Variants in LRMDA observed in about 807,000 individuals in gnomAD.
The protein encoded by LRMDA is leucine rich melanocyte differentiation associated.
Under a neutral mutation model 29.8 loss-of-function variants are expected in LRMDA, and 18 were observed. The observed-to-expected ratio is 0.60, with a 90% CI of 0.42 to 0.90. The LOEUF (loss-of-function observed/expected upper bound fraction) is 0.90, where lower values mean the gene tolerates loss of function less well. LRMDA is among the 40% of genes least tolerant of loss of function. The probability of loss-of-function intolerance (pLI) is 0.00; values close to 1 mark genes in which losing one functional copy is unlikely to be tolerated. For synonymous variants in LRMDA, 125 were observed against 109.4 expected (o/e 1.14, Z -0.89); for missense variants, 273 against 273.9 (o/e 1.00, Z 0.02).
intron 2 of LRMDA, among the ~76,000 whole-genome samples, chr10:75,553,562 T>C (rs1482443904): frequency 6.6e-6 from 1 of 152,136 alleles, no homozygotes; most frequent in East Asian, 1.9e-4. Context: ...CTCATATTTG[T>C]TGGGACTCTT....
chr10:76,275,598 C>T (rs1226516448), intron 5 of LRMDA, among the ~76,000 whole-genome samples: 2 of 152,064 alleles, frequency 1.3e-5, no homozygotes, highest in Non-Finnish European at 2.9e-5. Context: ...GACCCCTCTG[C>T]TCTTTGATCT....
At chr10:76,322,739 G>C (rs1304624298) in intron 5 of LRMDA, among the ~76,000 whole-genome samples, 2 of 152,080 alleles carry the variant, frequency 1.3e-5, no homozygotes, top group Non-Finnish European at 2.9e-5. Flanking sequence ...TGGATTTTTG[G>C]GTCTTTTTTT....
At chr10:76,077,061 C>T (rs948362890) in intron 5 of LRMDA, among the ~76,000 whole-genome samples, 2 of 152,114 alleles carry the variant, frequency 1.3e-5, no homozygotes, top group Non-Finnish European at 2.9e-5. Flanking sequence ...CTCTCATCTT[C>T]AAACCACCAG....
intron 2 of LRMDA, among the ~76,000 whole-genome samples, chr10:75,985,444 C>A (rs1395009157): frequency 6.6e-6 from 1 of 152,248 alleles, no homozygotes; most frequent in Non-Finnish European, 1.5e-5. Context: ...CACCTCACAG[C>A]TCTACTTCCC....
chr10:75,659,868 C>A (rs1841727909), intron 2 of LRMDA, among the ~76,000 whole-genome samples: 1 of 152,098 alleles, frequency 6.6e-6, no homozygotes, highest in Non-Finnish European at 1.5e-5. Flanking sequence ...CTCTTTTCAA[C>A]AAAGAGGGAG....
intron 5 of LRMDA, among the ~76,000 whole-genome samples, chr10:76,074,547 C>G (rs1848926806): frequency 6.6e-6 from 1 of 152,168 alleles, no homozygotes. Flanking sequence ...ACAGCTTCCA[C>G]CCCCCTCCCA....
intron 2 of LRMDA, among the ~76,000 whole-genome samples, chr10:75,761,072 A>G (rs1247103604): frequency 6.6e-6 from 1 of 152,242 alleles, no homozygotes; most frequent in Admixed American, 6.5e-5. Context: ...TCTTGTCTGC[A>G]TGGAACTCAC....
chr10:75,798,441 A>G (rs895067220), intron 2 of LRMDA, among the ~76,000 whole-genome samples: 12 of 152,102 alleles, frequency 7.9e-5, no homozygotes, highest in Admixed American at 2.0e-4. Context: ...TAATATTTCA[A>G]AAGAACCAGC....
chr10:76,010,238 C>A (rs1032044626), intron 2 of LRMDA, among the ~76,000 whole-genome samples: 3 of 151,998 alleles, frequency 2.0e-5, no homozygotes, highest in African/African-American at 7.2e-5. Flanking sequence ...TCTAGAGAGT[C>A]CACTGTACCC....
chr10:76,163,902 A>C (rs922705668), intron 5 of LRMDA, among the ~76,000 whole-genome samples: 2 of 152,180 alleles, frequency 1.3e-5, no homozygotes, highest in Non-Finnish European at 2.9e-5. Context: ...CTGGAATGCC[A>C]TATTCTCTGA....
At chr10:75,692,420 C>CAT (rs35960033) in intron 2 of LRMDA, among the ~76,000 whole-genome samples, 3,020 of 148,634 alleles carry the variant, frequency 0.02, 116 homozygotes, top group African/African-American at 0.071. Flanking sequence ...CACATATATG[C>CAT]ATATATATAT....
chr10:75,439,483 A>T (rs1844302415), intron 2 of LRMDA, among the ~76,000 whole-genome samples: 1 of 152,216 alleles, frequency 6.6e-6, no homozygotes, highest in Non-Finnish European at 1.5e-5. Context: ...GTAATTGGAA[A>T]ATGGAACACA....
chr10:75,903,712 C>G (rs904334193), intron 2 of LRMDA, among the ~76,000 whole-genome samples: 1 of 152,212 alleles, frequency 6.6e-6, no homozygotes, highest in African/African-American at 2.4e-5. Flanking sequence ...AATGCAGCCA[C>G]TCCGTTGCAT....
intron 4 of LRMDA, among the ~76,000 whole-genome samples, chr10:76,055,705 C>A (rs556128233): frequency 2.6e-5 from 4 of 152,228 alleles, no homozygotes; most frequent in African/African-American, 4.8e-5. Flanking sequence ...GCAGGCTGGG[C>A]AGCTCTAGAC....
intron 6 of LRMDA, among the ~76,000 whole-genome samples, chr10:76,420,933 G>T (rs562481799): frequency 1.3e-5 from 2 of 152,134 alleles, no homozygotes; most frequent in South Asian, 4.1e-4. Flanking sequence ...TTTATAGCCT[G>T]GAATATGTTT....
chr10:75,579,058 C>T (rs377602330), intron 2 of LRMDA, among the ~76,000 whole-genome samples: 11 of 152,200 alleles, frequency 7.2e-5, no homozygotes, highest in Admixed American at 4.6e-4. Context: ...CAAGAAATAA[C>T]TAAGATCAGA....
chr10:75,687,567 C>T (rs1419555864), intron 2 of LRMDA, among the ~76,000 whole-genome samples: 1 of 152,196 alleles, frequency 6.6e-6, no homozygotes, highest in Non-Finnish European at 1.5e-5. Flanking sequence ...ATCTCTGTAA[C>T]ATGAAAGTGC....
At chr10:76,132,998 T>C (rs1850025589) in intron 5 of LRMDA, among the ~76,000 whole-genome samples, 1 of 142,388 alleles carries the variant, frequency 7.0e-6, no homozygotes, top group South Asian at 2.3e-4. Flanking sequence ...TTTTTTTGTA[T>C]TTTTAGTAGA....
intron 5 of LRMDA, among the ~76,000 whole-genome samples, chr10:76,264,388 C>T (rs551261283): frequency 8.7e-6 from 1 of 115,102 alleles, no homozygotes; most frequent in South Asian, 2.8e-4. Flanking sequence ...GCCTGGGTAA[C>T]AGAGCAAGAC....
Sources: allele counts gnomAD v4.1 joint callset (sites outside exome capture counted in the v4.1 genomes callset), GRCh38; gene constraint gnomAD v4.1.1; transcripts MANE v1.5; gene names NCBI Gene and HGNC (gene_info 2026-07-23, HGNC 2026-07-21).